The following GALNTL6 variants were observed in gnomAD, a reference collection of about 807,000 sequenced individuals.
GALNTL6 encodes the protein polypeptide N-acetylgalactosaminyltransferase-like 6.
GALNTL6 carries 46 observed loss-of-function variants against 73.7 expected under a neutral mutation model. The ratio of observed to expected loss-of-function variants is 0.62; its 90% CI spans 0.49 to 0.80. The LOEUF is 0.80. Among genes scored for constraint, GALNTL6 ranks in the 30% least tolerant of loss-of-function variants. The pLI, the probability that GALNTL6 is intolerant of heterozygous loss-of-function variation, is 0.00. For synonymous variants in GALNTL6, 259 were observed against 263.7 expected, an observed-to-expected ratio of 0.98 and a Z score of 0.17; for missense variants, 604 against 755.0, an observed-to-expected ratio of 0.80 and a Z score of 2.34.
intron 5 of GALNTL6, among the ~76,000 whole-genome samples, chr4:172,359,228 G>A (rs974871470): frequency 1.3e-5 from 2 of 152,146 alleles, no homozygotes; most frequent in Non-Finnish European, 2.9e-5. Flanking sequence ...CATATTCTTT[G>A]CTGGAACATA....
chr4:171,966,118 T>C (rs942321461), intron 2 of GALNTL6, among the ~76,000 whole-genome samples: 11 of 152,282 alleles, frequency 7.2e-5, no homozygotes, highest in South Asian at 6.2e-4. Context: ...ACATAAGTTG[T>C]CACCACCACC....
intron 5 of GALNTL6, among the ~76,000 whole-genome samples, chr4:172,503,379 G>A (rs1295263793): frequency 1.3e-5 from 2 of 151,776 alleles, no homozygotes; most frequent in Non-Finnish European, 2.9e-5. Flanking sequence ...TTATTTACCT[G>A]AATTTGGCTC....
intron 2 of GALNTL6, among the ~76,000 whole-genome samples, chr4:171,877,150 C>A (rs1578933247): frequency 6.6e-6 from 1 of 152,300 alleles, no homozygotes; most frequent in Admixed American, 6.5e-5. Context: ...AGTTACTTTT[C>A]ATTCATTCCA....
chr4:172,105,982 A>T (rs544196861), intron 2 of GALNTL6, among the ~76,000 whole-genome samples: 1 of 152,322 alleles, frequency 6.6e-6, no homozygotes, highest in Admixed American at 6.5e-5. Flanking sequence ...TGGTGCTGAT[A>T]CTTTGGAAAA....
intron 3 of GALNTL6, among the ~76,000 whole-genome samples, chr4:172,275,863 A>C (rs546384430): frequency 6.6e-6 from 1 of 152,266 alleles, no homozygotes; most frequent in African/African-American, 2.4e-5. Flanking sequence ...TGGCTGAGGC[A>C]GGAGAATCTC....
intron 5 of GALNTL6, among the ~76,000 whole-genome samples, chr4:172,731,114 T>A (rs6553647): frequency 0.36 from 54,073 of 150,594 alleles, 10,728 homozygotes; most frequent in African/African-American, 0.52. Flanking sequence ...AGAGTTTGAG[T>A]AGGATTGATA....
At chr4:172,480,138 C>T (rs1733389699) in intron 5 of GALNTL6, among the ~76,000 whole-genome samples, 1 of 152,000 alleles carries the variant, frequency 6.6e-6, no homozygotes, top group African/African-American at 2.4e-5. Context: ...TATGTCTCTA[C>T]AAAATGTTTT....
At chr4:172,088,624 C>T (rs1732114763) in intron 2 of GALNTL6, among the ~76,000 whole-genome samples, 1 of 152,114 alleles carries the variant, frequency 6.6e-6, no homozygotes, top group Admixed American at 6.5e-5. Flanking sequence ...GGAACAAAGT[C>T]TGGGCTCTAG....
intron 5 of GALNTL6, among the ~76,000 whole-genome samples, chr4:172,476,668 G>A (rs951327783): frequency 1.3e-5 from 2 of 152,020 alleles, no homozygotes; most frequent in African/African-American, 2.4e-5. Flanking sequence ...ATAAACTACC[G>A]TGAATTTGAT....
intron 5 of GALNTL6, among the ~76,000 whole-genome samples, chr4:172,579,505 C>A (rs193185133): frequency 1.3e-5 from 2 of 152,154 alleles, no homozygotes; most frequent in Admixed American, 1.3e-4. Context: ...TTGGTGGTCT[C>A]GGCTAGACTC....
chr4:171,947,613 C>T (rs1019400208), intron 2 of GALNTL6, among the ~76,000 whole-genome samples: 3 of 152,152 alleles, frequency 2.0e-5, no homozygotes, highest in Non-Finnish European at 4.4e-5. Flanking sequence ...AACTCACTGC[C>T]TAGTCCCTCA....
chr4:172,490,197 A>G (rs1733846766), intron 5 of GALNTL6, among the ~76,000 whole-genome samples: 1 of 152,158 alleles, frequency 6.6e-6, no homozygotes, highest in Admixed American at 6.6e-5. Context: ...ATTTGAGTTG[A>G]ACTAAAAATG....
chr4:172,849,586 T>TCACTTTAAGTAA (rs1743704855), intron 7 of GALNTL6, among the ~76,000 whole-genome samples: 1 of 152,218 alleles, frequency 6.6e-6, no homozygotes, highest in Non-Finnish European at 1.5e-5. Flanking sequence ...AAAATATGAT[T>TCACTTTAAGTAA]CACTTTAAGT....
chr4:172,463,136 A>G (rs1159865615), intron 5 of GALNTL6, among the ~76,000 whole-genome samples: 3 of 152,328 alleles, frequency 2.0e-5, no homozygotes, highest in Admixed American at 2.0e-4. Context: ...GCTGTTTCAA[A>G]AAACACAAGA....
intron 3 of GALNTL6, among the ~76,000 whole-genome samples, chr4:172,310,394 C>T (rs141817228): frequency 1.7e-3 from 253 of 152,046 alleles, no homozygotes; most frequent in Non-Finnish European, 2.7e-3. Flanking sequence ...CCTCAGCCTC[C>T]CCAGTAGCTG....
At position 172,406,439 on chromosome 4, in the gene GALNTL6, A is replaced by G. The variant is rs78681649; in HGVS notation, c.553+57750A>G. On this transcript the variant is annotated intron_variant, in intron 5 of 12. Transcript: ENST00000506823. ...GAAAATTTAAATAATACATATATAT[A>G]TAAATGATGTTTGTATATACAAACA... is the stretch of plus-strand genomic sequence containing the variant. Among the ~76,000 whole-genome samples, 926 of 152,166 alleles carry G rather than the reference A, an allele frequency of 6.1e-3. 6 individuals carry two copies. The highest frequency in any genetic ancestry group is 8.5e-3 in the Admixed American group (129 of 15,244).
At chr4:172,224,611 A>G (rs1409062435) in intron 2 of GALNTL6, among the ~76,000 whole-genome samples, 1 of 152,196 alleles carries the variant, frequency 6.6e-6, no homozygotes, top group Non-Finnish European at 1.5e-5. Context: ...AGGGATTTCC[A>G]GACCAACAGC....
intron 2 of GALNTL6, among the ~76,000 whole-genome samples, chr4:171,876,729 T>G (rs1736292377): frequency 6.6e-6 from 1 of 152,226 alleles, no homozygotes; most frequent in Admixed American, 6.5e-5. Context: ...GAATAAGAAT[T>G]GTCCTCAATC....
chr4:172,705,066 A>C (rs1237286861), intron 5 of GALNTL6, among the ~76,000 whole-genome samples: 1 of 151,794 alleles, frequency 6.6e-6, no homozygotes, highest in Non-Finnish European at 1.5e-5. Flanking sequence ...TATTTAAATC[A>C]TGTGTCTTTA....
Sources: allele counts gnomAD v4.1 joint callset (sites outside exome capture counted in the v4.1 genomes callset), GRCh38; gene constraint gnomAD v4.1.1; transcripts MANE v1.5; gene names NCBI Gene and HGNC (gene_info 2026-07-23, HGNC 2026-07-21).